The following SLC43A1 variants were observed in gnomAD, a reference collection of about 807,000 sequenced individuals.
SLC43A1 encodes the protein large neutral amino acids transporter small subunit 3.
A neutral mutation model predicts 59.5 loss-of-function variants in SLC43A1; 31 were observed. The ratio of observed to expected loss-of-function variants is 0.52; its 90% CI spans 0.39 to 0.70. The LOEUF is 0.70. Among genes scored for constraint, SLC43A1 ranks in the 30% least tolerant of loss-of-function variants. The pLI, the probability that SLC43A1 is intolerant of heterozygous loss-of-function variation, is 0.00. For missense variants in SLC43A1, 598 were observed against 717.8 expected (o/e 0.83, Z 1.91); for synonymous variants, 259 against 290.9 (o/e 0.89, Z 1.12).
chr11:57,495,574 C>T (rs1185837716), intron 7 of SLC43A1, among the ~76,000 whole-genome samples: 1 of 152,114 alleles, frequency 6.6e-6, no homozygotes, highest in African/African-American at 2.4e-5. Flanking sequence ...CGCCTGTAAT[C>T]GGACACTTTG....
rs1263243797 is a variant in SLC43A1 at position 57,499,347 on chromosome 11, T to C, written c.465+1432A>G. ...TCAACAAAAAAAAAAAAAATGGTGT[T>C]TAAACACATATAACTAAATTATCCT... On this transcript the variant is annotated intron_variant, in intron 5 of 14. Transcript: ENST00000278426. Among the ~76,000 whole-genome samples the C allele has an allele frequency of 4.7e-5, 7 of 149,514 alleles. No individual in the cohort carries two copies. In the East Asian group the frequency reaches 1.2e-3, roughly 25 times the overall value.
intron 8 of SLC43A1, 62 bp downstream of exon 8, chr11:57,493,931 C>T: frequency 6.8e-7 from 1 of 1,478,162 alleles, no homozygotes; most frequent in Non-Finnish European, 9.1e-7. Flanking sequence ...CATGAGTGCT[C>T]ACTGAATATG....
rs962950005 is a variant in SLC43A1, at chr11:57,514,510, G to A, written c.-13-386C>T. The A allele has an allele frequency of 5.4e-6, 1 of 186,544 alleles. No homozygotes were observed. The highest frequency in any genetic ancestry group is 1.1e-5 in the Non-Finnish European group (1 of 89,374). 11.6% of individuals were successfully genotyped at this position (186,544 alleles called of 1,614,324 possible). ...CAGAGCGCGCTCTGAAGCACCGCGG[G>A]CCCATGTCCGGACTCTCGCGCCAGG... is the stretch of plus-strand genomic sequence containing the variant. On this transcript the variant is annotated intron_variant, in intron 1 of 14. Transcript: ENST00000278426. The surrounding 1 kb of genome is among the most constrained non-coding windows in gnomAD (Gnocchi z 5.5).
At chr11:57,495,506 G>A (rs995928446) in intron 7 of SLC43A1, among the ~76,000 whole-genome samples, 2 of 151,866 alleles carry the variant, frequency 1.3e-5, no homozygotes, top group African/African-American at 4.8e-5. Context: ...TTGACCACCT[G>A]TTATGTGCCA....
At chr11:57,501,385 G>A (rs563474586) in intron 2 of SLC43A1, 56 bp from the exon 3 acceptor site, 18 of 1,579,800 alleles carry the variant, frequency 1.1e-5, no homozygotes, top group South Asian at 6.6e-5. Context: ...CTGGGCACAG[G>A]AGACAGCAGC....
At chr11:57,500,633 G>A in intron 5 of SLC43A1, 146 bp downstream of exon 5, 3 of 717,968 alleles carry the variant, frequency 4.2e-6, no homozygotes, top group Admixed American at 2.1e-5. Context: ...GCAGCCACCT[G>A]CACAGTTTCT....
At position 57,506,036 on chromosome 11, in the gene SLC43A1, T is replaced by C. The variant is rs1401181077; in HGVS notation, c.155-4707A>G. On this transcript the variant is annotated intron_variant, in intron 2 of 14. Transcript: ENST00000278426. Reference sequence around the variant, plus strand: ...ATGCTTCCCTTTCCTGCCTCTGACATGGTCACATTCAGCAAAAACACCTTA... The same window carrying C: ...ATGCTTCCCTTTCCTGCCTCTGACACGGTCACATTCAGCAAAAACACCTTA... Among the ~76,000 whole-genome samples the C allele has an allele frequency of 2.6e-5, 4 of 152,184 alleles. No individual in the cohort carries two copies. The East Asian group carries it at 5.8e-4, about 22-fold the overall frequency.
chr11:57,506,706 C>CTTTA (rs10623104), intron 2 of SLC43A1, among the ~76,000 whole-genome samples: 120,833 of 151,764 alleles, frequency 0.8, 48,465 homozygotes, highest in East Asian at 0.9. Flanking sequence ...TTACTCTGCC[C>CTTTA]TTTACTAGCT....
intron 11 of SLC43A1, among the ~76,000 whole-genome samples, chr11:57,490,434 G>A (rs1272776872): frequency 6.6e-6 from 1 of 152,154 alleles, no homozygotes; most frequent in Non-Finnish European, 1.5e-5. Flanking sequence ...GTTGCTCTGT[G>A]CCTATAATAG....
At position 57,514,419 on chromosome 11, in the gene SLC43A1, C is replaced by A; in HGVS notation, c.-13-295G>T. 5.5e-6 allele frequency: 2 copies of A among 366,930 alleles called. No individual in the cohort carries two copies. Among genetic ancestry groups the A allele is most frequent in the Admixed American group, 8.9e-5 (2 of 22,568 alleles). The allele number at this position is 366,930 out of a possible 1,614,324, so 22.7% of individuals were successfully genotyped here. ...CCGGGTTCTCTCACCCAGGCCAGGG[C>A]GCTCAGGGCCGGGCTGCTGGGGAGA... On this transcript the variant is annotated intron_variant, in intron 1 of 14. Coordinates refer to ENST00000278426, the MANE Select transcript of SLC43A1 (RefSeq NM_003627.6). This position sits in a 1 kb window ranked among gnomAD's most constrained non-coding sequence, Gnocchi z 5.5.
intron 5 of SLC43A1, among the ~76,000 whole-genome samples, chr11:57,500,226 A>G (rs1040086327): frequency 6.6e-6 from 1 of 152,186 alleles, no homozygotes; most frequent in African/African-American, 2.4e-5. Context: ...ATATGGTTCA[A>G]CCTAGTACAC....
intron 13 of SLC43A1, 83 bp from the exon 14 acceptor site, chr11:57,487,301 G>A (rs1943768115): frequency 1.3e-6 from 2 of 1,523,126 alleles, no homozygotes; most frequent in Non-Finnish European, 1.8e-6. Context: ...CCCCACCATG[G>A]TCCCCGCTGG....
At chr11:57,485,554 G>A (rs917935339) in intron 14 of SLC43A1, among the ~76,000 whole-genome samples, 24 of 152,278 alleles carry the variant, frequency 1.6e-4, no homozygotes, top group African/African-American at 5.3e-4. Flanking sequence ...GGCTGCTCCC[G>A]AAATGGGGCC....
intron 2 of SLC43A1, among the ~76,000 whole-genome samples, chr11:57,508,313 A>G (rs1944442206): frequency 6.6e-6 from 1 of 151,986 alleles, no homozygotes; most frequent in African/African-American, 2.4e-5. Flanking sequence ...AAAGAAAATT[A>G]AGCTTCAATC....
At position 57,484,895 on chromosome 11, in the gene SLC43A1, G is replaced by A. The variant is rs1190339612; in HGVS notation, c.*201C>T. ...GGATAGGGACTGTCTTCAGTCAATGGAGCGTTGACTTAGGGGGCGTTTTTG... is the reference window on the plus strand; with the variant it reads ...GGATAGGGACTGTCTTCAGTCAATGAAGCGTTGACTTAGGGGGCGTTTTTG... On this transcript the variant is annotated 3_prime_UTR_variant, in exon 15 of 15. Coordinates refer to ENST00000278426, the MANE Select transcript of SLC43A1 (RefSeq NM_003627.6). The A allele has an allele frequency of 2.2e-5, 12 of 553,584 alleles. No homozygotes were observed. In the Admixed American group the frequency reaches 4.5e-4, roughly 21 times the overall value. 34.3% of individuals were successfully genotyped at this position (553,584 alleles called of 1,614,324 possible).
intron 2 of SLC43A1, among the ~76,000 whole-genome samples, chr11:57,503,996 A>G (rs957258624): frequency 6.6e-6 from 1 of 152,106 alleles, no homozygotes; most frequent in Non-Finnish European, 1.5e-5. Context: ...GATCGAGACC[A>G]TCCTGGCTAA....
chr11:57,501,639 AG>A (rs1200886432), intron 2 of SLC43A1, among the ~76,000 whole-genome samples: 2 of 152,230 alleles, frequency 1.3e-5, no homozygotes, highest in African/African-American at 4.8e-5. Context: ...ACCCCCAACA[AG>A]AAGTGCCCCC....
At chr11:57,506,126 G>A (rs1024647228) in intron 2 of SLC43A1, among the ~76,000 whole-genome samples, 11 of 152,142 alleles carry the variant, frequency 7.2e-5, no homozygotes, top group Admixed American at 2.6e-4. Flanking sequence ...CAGGAGGATC[G>A]CTTGAGTCCA....
At chr11:57,511,926 G>A (rs934654974) in intron 2 of SLC43A1, among the ~76,000 whole-genome samples, 16 of 152,122 alleles carry the variant, frequency 1.1e-4, no homozygotes, top group Admixed American at 2.0e-4. Context: ...GGGGTGAGGC[G>A]AGTGAGTACT....
Sources: gnomAD v4.1 joint callset for allele counts (sites outside exome capture counted in the v4.1 genomes callset) on GRCh38, gnomAD v4.1.1 for gene constraint, Gnocchi (gnomAD v3.1) non-coding constraint, MANE v1.5 for transcripts, NCBI Gene and HGNC (gene_info 2026-07-23, HGNC 2026-07-21) for gene names.